NXPH1: variants seen among roughly 807,000 people sequenced by gnomAD.
The protein encoded by NXPH1 is neurexophilin-1.
A neutral mutation model predicts 23.7 loss-of-function variants in NXPH1; 5 were observed. That is an observed-to-expected ratio of 0.21 (90% CI 0.11 to 0.44). NXPH1 has a LOEUF of 0.44. NXPH1 is among the 20% of genes least tolerant of loss of function. The pLI is 0.99. For synonymous variants in NXPH1, 144 were observed against 122.2 expected (o/e 1.18, Z -1.18); for missense variants, 324 against 321.6 (o/e 1.01, Z -0.06).
At position 8,747,030 on chromosome 7, in the gene NXPH1, G is replaced by A. The variant is rs554172385; in HGVS notation, c.55-3978G>A. Reference sequence around the variant, plus strand: ...ATCTGGTGATGACAACAGCTAAGACGACTATTGAACAGTGTTCCAGGTACT... The same window carrying A: ...ATCTGGTGATGACAACAGCTAAGACAACTATTGAACAGTGTTCCAGGTACT... On this transcript the variant is annotated intron_variant, in intron 2 of 2. Coordinates refer to ENST00000405863, the MANE Select transcript of NXPH1 (RefSeq NM_152745.3). Among the ~76,000 whole-genome samples the A allele has an allele frequency of 2.3e-4, 35 of 152,226 alleles. 1 individual carries two copies. The East Asian group carries it at 2.9e-3, about 13-fold the overall frequency.
chr7:8,464,073 A>G (rs1241565857), intron 2 of NXPH1, among the ~76,000 whole-genome samples: 1 of 152,062 alleles, frequency 6.6e-6, no homozygotes, highest in African/African-American at 2.4e-5. Context: ...GTGCTCCTGC[A>G]TAATCAGGTT....
At chr7:8,739,477 G>A (rs114529711) in intron 2 of NXPH1, among the ~76,000 whole-genome samples, 6,663 of 152,078 alleles carry the variant, frequency 0.044, 161 homozygotes, top group African/African-American at 0.072. Flanking sequence ...TGGGCTGCAC[G>A]CACTGTCTAA....
chr7:8,670,340 C>A (rs10242227), intron 2 of NXPH1, among the ~76,000 whole-genome samples: 9,636 of 152,200 alleles, frequency 0.063, 677 homozygotes, highest in East Asian at 0.24. Flanking sequence ...AAGTTCTATC[C>A]CTTTTTTCTT....
intron 2 of NXPH1, among the ~76,000 whole-genome samples, chr7:8,642,417 G>A (rs986483074): frequency 6.6e-6 from 1 of 152,080 alleles, no homozygotes; most frequent in African/African-American, 2.4e-5. Context: ...TTAAATCACA[G>A]GTATTCTTAA....
At chr7:8,592,674 G>A (rs568286170) in intron 2 of NXPH1, among the ~76,000 whole-genome samples, 6 of 152,056 alleles carry the variant, frequency 3.9e-5, no homozygotes, top group African/African-American at 9.6e-5. Flanking sequence ...AGAGCTCATC[G>A]TCTCTGTTGC....
chr7:8,496,436 T>C (rs1269474917), intron 2 of NXPH1, among the ~76,000 whole-genome samples: 2 of 152,072 alleles, frequency 1.3e-5, no homozygotes, highest in African/African-American at 2.4e-5. Flanking sequence ...ATTTCTAAAC[T>C]GAGATTGTGT....
rs28454193 is a variant in NXPH1, at chr7:8,560,734, T to C, written c.54+124967T>C. ...GTGTGTAACTTTCCTGGCAGAGTTG[T>C]TGAATTATGTGCAGCCACTTTCAGC... On this transcript the variant is annotated intron_variant, in intron 2 of 2. Coordinates refer to ENST00000405863, the MANE Select transcript of NXPH1 (RefSeq NM_152745.3). 9.6e-3 allele frequency among the ~76,000 whole-genome samples: 1,456 copies of C among 151,770 alleles called. 24 individuals are homozygous for C. The highest frequency in any genetic ancestry group is 0.034 in the African/African-American group (1,404 of 41,486).
chr7:8,628,096 T>G (rs1820033016), intron 2 of NXPH1, among the ~76,000 whole-genome samples: 1 of 152,154 alleles, frequency 6.6e-6, no homozygotes. Context: ...TTAGTATTAT[T>G]TTAAAACATA....
chr7:8,584,577 G>C (rs1174315155), intron 2 of NXPH1, among the ~76,000 whole-genome samples: 1 of 152,116 alleles, frequency 6.6e-6, no homozygotes, highest in Non-Finnish European at 1.5e-5. Flanking sequence ...ACAAAATAAA[G>C]TATTAAATGG....
intron 2 of NXPH1, among the ~76,000 whole-genome samples, chr7:8,587,631 C>T (rs570712793): frequency 2.6e-4 from 39 of 152,206 alleles, no homozygotes; most frequent in African/African-American, 9.1e-4. Context: ...GATATCCCTC[C>T]CCTAGCCCCC....
At chr7:8,669,098 C>T (rs973854782) in intron 2 of NXPH1, among the ~76,000 whole-genome samples, 9 of 152,198 alleles carry the variant, frequency 5.9e-5, no homozygotes, top group Non-Finnish European at 8.8e-5. Context: ...CAATAAATTG[C>T]TGTGATTTAC....
intron 2 of NXPH1, among the ~76,000 whole-genome samples, chr7:8,534,997 G>T (rs1818005613): frequency 6.6e-6 from 1 of 151,994 alleles, no homozygotes; most frequent in Non-Finnish European, 1.5e-5. Context: ...TACCTAATTT[G>T]CTTTGTTTAC....
intron 2 of NXPH1, among the ~76,000 whole-genome samples, chr7:8,599,362 C>T (rs1819302929): frequency 6.6e-6 from 1 of 152,118 alleles, no homozygotes; most frequent in African/African-American, 2.4e-5. Context: ...TTTGTTGTGG[C>T]TTTCAGAATC....
chr7:8,580,978 G>A (rs1273044411), intron 2 of NXPH1, among the ~76,000 whole-genome samples: 1 of 150,604 alleles, frequency 6.6e-6, no homozygotes, highest in Non-Finnish European at 1.5e-5. Flanking sequence ...TTCTGAATGA[G>A]TGCTCATCCC....
At chr7:8,577,149 A>G (rs984588040) in intron 2 of NXPH1, among the ~76,000 whole-genome samples, 14 of 152,232 alleles carry the variant, frequency 9.2e-5, no homozygotes, top group Admixed American at 9.2e-4. Flanking sequence ...TTTGCATAAC[A>G]TTCACGGGAG....
intron 2 of NXPH1, among the ~76,000 whole-genome samples, chr7:8,455,490 A>G (rs887804634): frequency 1.3e-5 from 2 of 152,200 alleles, no homozygotes; most frequent in African/African-American, 4.8e-5. Context: ...CAGAAGGGTG[A>G]AAGGTAAAGC....
chr7:8,543,431 T>A (rs1818149274), intron 2 of NXPH1, among the ~76,000 whole-genome samples: 1 of 151,640 alleles, frequency 6.6e-6, no homozygotes, highest in Non-Finnish European at 1.5e-5. Flanking sequence ...ACTCTCTTGT[T>A]AATTAATTTT....
At chr7:8,455,044 CAGT>C (rs979142439) in intron 2 of NXPH1, among the ~76,000 whole-genome samples, 4 of 152,038 alleles carry the variant, frequency 2.6e-5, no homozygotes, top group African/African-American at 9.7e-5. Context: ...TAGCCATTAA[CAGT>C]AGAGTAAATT....
chr7:8,580,744 T>C (rs1340987386), intron 2 of NXPH1, among the ~76,000 whole-genome samples: 1 of 151,016 alleles, frequency 6.6e-6, no homozygotes, highest in Non-Finnish European at 1.5e-5. Context: ...CTTTTTTTTT[T>C]CTTCTTATGC....
Sources: allele counts gnomAD v4.1 joint callset (sites outside exome capture counted in the v4.1 genomes callset), GRCh38; gene constraint gnomAD v4.1.1; transcripts MANE v1.5; gene names NCBI Gene and HGNC (gene_info 2026-07-23, HGNC 2026-07-21).